Variants in SORCS2 observed in about 807,000 individuals in gnomAD.
SORCS2 encodes the protein sortilin related VPS10 domain containing receptor 2.
SORCS2 carries 100 observed loss-of-function variants against 141.6 expected under a neutral mutation model. The observed-to-expected ratio is 0.71, with a 90% CI of 0.60 to 0.83. The LOEUF (loss-of-function observed/expected upper bound fraction) is 0.83. Ranked by LOEUF, SORCS2 falls within the 40% of genes least tolerant of loss-of-function variation. The pLI is 0.00. For missense variants in SORCS2, 1,646 were observed against 1,560.2 expected (o/e 1.05, Z -0.93); for synonymous variants, 789 against 676.9 (o/e 1.17, Z -2.57).
chr4:7,572,860 A>C (rs1242195611), intron 3 of SORCS2, among the ~76,000 whole-genome samples: 1 of 152,324 alleles, frequency 6.6e-6, no homozygotes, highest in East Asian at 1.9e-4. Context: ...GAGGTTAAGA[A>C]ATTTTTATTT....
chr4:7,650,247 G>A (rs984294679), intron 4 of SORCS2, among the ~76,000 whole-genome samples: 12 of 152,226 alleles, frequency 7.9e-5, no homozygotes, highest in African/African-American at 2.9e-4. Flanking sequence ...ATTGTTAGAA[G>A]CATCTACTTC....
rs756889378 is a variant in SORCS2, at chr4:7,648,275, G to A, written c.814-5859G>A. ...AAGGAGCCAGCTTCTGCTGGGCCCT[G>A]CTAAGTTGGGGGTGGTGCAGGGAGG... On this transcript the variant is annotated intron_variant, in intron 4 of 26. Coordinates refer to ENST00000507866, the MANE Select transcript of SORCS2 (RefSeq NM_020777.3). This position sits in a 1 kb window ranked among gnomAD's most constrained non-coding sequence, Gnocchi z 4.2. Among the ~76,000 whole-genome samples, 11 of 152,148 alleles carry A rather than the reference G, an allele frequency of 7.2e-5. No homozygotes were observed. Among genetic ancestry groups the A allele is most frequent in the African/African-American group, 1.2e-4 (5 of 41,436 alleles).
intron 4 of SORCS2, among the ~76,000 whole-genome samples, chr4:7,638,835 C>G (rs1560446481): frequency 6.6e-6 from 1 of 152,204 alleles, no homozygotes; most frequent in Non-Finnish European, 1.5e-5. Context: ...GGGCCTTTCT[C>G]CACTTCCAGA....
At chr4:7,563,369 A>G (rs1427148949) in intron 3 of SORCS2, among the ~76,000 whole-genome samples, 3 of 152,172 alleles carry the variant, frequency 2.0e-5, no homozygotes, top group Non-Finnish European at 4.4e-5. Context: ...TTTCCTGGAA[A>G]TAAAACTGAG....
intron 7 of SORCS2, among the ~76,000 whole-genome samples, chr4:7,665,498 C>G (rs972742275): frequency 2.0e-5 from 3 of 152,210 alleles, no homozygotes; most frequent in African/African-American, 7.2e-5. Flanking sequence ...CTGATTCCTG[C>G]TCCTTCTCAA....
chr4:7,430,912 G>C (rs1726803415), intron 2 of SORCS2: 1 of 150,870 alleles, frequency 6.6e-6, no homozygotes, highest in Non-Finnish European at 1.5e-5. Flanking sequence ...GTCAGCACCA[G>C]TGGGCCCGTC....
Position 7,511,946 on chromosome 4 carries a change from T to C in SORCS2, c.549-19584T>C, listed in dbSNP as rs148378880. On this transcript the variant is annotated intron_variant, in intron 2 of 26. Transcript: ENST00000507866. ...CCACCCTTTCTCCCTTTGCAGGTCC[T>C]GGAGGGGCACGCGCTGCTGTGGGAG... 2.0e-3 allele frequency among the ~76,000 whole-genome samples: 303 copies of C among 152,306 alleles called. 3 individuals are homozygous for C. The highest frequency in any genetic ancestry group is 6.9e-3 in the African/African-American group (285 of 41,578).
chr4:7,703,983 C>T (rs1725248801), intron 13 of SORCS2, among the ~76,000 whole-genome samples, 194 bp from the exon 14 acceptor site: 2 of 152,206 alleles, frequency 1.3e-5, no homozygotes, highest in Admixed American at 6.5e-5. Context: ...CAGGGCAGTA[C>T]AATGCAGATA....
intron 2 of SORCS2, among the ~76,000 whole-genome samples, chr4:7,439,870 T>C (rs898972210): frequency 6.6e-6 from 1 of 152,134 alleles, no homozygotes; most frequent in Non-Finnish European, 1.5e-5. Flanking sequence ...CGTCAGATGG[T>C]GTGCAGAATG....
At position 7,562,548 on chromosome 4, in the gene SORCS2, G is replaced by T. The variant is rs1023583226; in HGVS notation, c.648+30919G>T. 2.0e-4 allele frequency among the ~76,000 whole-genome samples: 30 copies of T among 152,186 alleles called. 1 individual carries two copies. The highest frequency in any genetic ancestry group is 2.0e-4 in the Admixed American group (3 of 15,280). ...AGCTTTAGGGGCATACGCTGTCTCT[G>T]TTGCATGTTCTACTTGGTTTTGTTT... On this transcript the variant is annotated intron_variant, in intron 3 of 26. Transcript: ENST00000507866.
intron 1 of SORCS2, among the ~76,000 whole-genome samples, chr4:7,245,537 C>T (rs962405448): frequency 3.9e-5 from 6 of 152,200 alleles, no homozygotes; most frequent in African/African-American, 1.4e-4. Flanking sequence ...CGGATGATTC[C>T]TCAGGGTCTT....
intron 3 of SORCS2, among the ~76,000 whole-genome samples, chr4:7,628,440 A>C (rs1218119928): frequency 6.7e-6 from 1 of 150,072 alleles, no homozygotes; most frequent in Non-Finnish European, 1.5e-5. Context: ...AATGGCATGA[A>C]CCCGGGAGAT....
chr4:7,648,528 G>T lies in SORCS2; in HGVS notation c.814-5606G>T, dbSNP rs1429865635. On this transcript the variant is annotated intron_variant, in intron 4 of 26. Transcript: ENST00000507866. The surrounding 1 kb of genome is among the most constrained non-coding windows in gnomAD (Gnocchi z 4.2). ...CTAGGTTTCAGGAGCTGGGGCAACT[G>T]CTGGGAACAAAACAGACCAACCCCT... Among the ~76,000 whole-genome samples, 1 of 152,144 alleles carries T rather than the reference G, an allele frequency of 6.6e-6. No individual in the cohort carries two copies. Among genetic ancestry groups the T allele is most frequent in the Non-Finnish European group, 1.5e-5 (1 of 68,024 alleles).
At chr4:7,656,918 A>G (rs890932735) in intron 5 of SORCS2, among the ~76,000 whole-genome samples, 1 of 152,082 alleles carries the variant, frequency 6.6e-6, no homozygotes, top group African/African-American at 2.4e-5. Flanking sequence ...CCTCCCCAAA[A>G]CACTCACTCC....
chr4:7,225,670 C>T (rs1035899206), intron 1 of SORCS2, among the ~76,000 whole-genome samples: 3 of 152,036 alleles, frequency 2.0e-5, no homozygotes, highest in East Asian at 1.9e-4. Context: ...AGCTGGTGCA[C>T]GGGGGCTGCA....
At chr4:7,303,636 A>G (rs2336105) in intron 1 of SORCS2, among the ~76,000 whole-genome samples, 39,272 of 152,146 alleles carry the variant, frequency 0.26, 5,488 homozygotes, top group Admixed American at 0.39. Flanking sequence ...GAGCTGAGGT[A>G]TATGGTGCTG....
rs540703854 is a variant in SORCS2 at position 7,661,899 on chromosome 4, G to A, written c.952+335G>A. ...GGGTGGGGGCACGGGTGTGCACACC[G>A]GACCCAGCCAACTTCCTGCCCAGGG... is the stretch of plus-strand genomic sequence containing the variant. On this transcript the variant is annotated intron_variant, in intron 6 of 26. Coordinates refer to ENST00000507866, the MANE Select transcript of SORCS2 (RefSeq NM_020777.3). 2.4e-3 allele frequency among the ~76,000 whole-genome samples: 358 copies of A among 152,236 alleles called. 1 individual carries two copies. In the Middle Eastern group the frequency reaches 0.024, roughly 10 times the overall value.
chr4:7,723,610 A>G (rs1197283077), intron 18 of SORCS2, 87 bp from the exon 19 acceptor site: 1 of 1,369,908 alleles, frequency 7.3e-7, no homozygotes, highest in Non-Finnish European at 1.0e-6. Context: ...TGAATGAATG[A>G]GTGAGTGAGT....
At chr4:7,677,703 T>A (rs915066619) in intron 9 of SORCS2, among the ~76,000 whole-genome samples, 3 of 152,172 alleles carry the variant, frequency 2.0e-5, no homozygotes, top group African/African-American at 7.2e-5. Flanking sequence ...GCAGCAGAAC[T>A]GTGGTCCCCA....
Sources: allele counts gnomAD v4.1 joint callset (sites outside exome capture counted in the v4.1 genomes callset), GRCh38; gene constraint gnomAD v4.1.1; non-coding constraint Gnocchi (gnomAD v3.1); transcripts MANE v1.5; gene names NCBI Gene and HGNC (gene_info 2026-07-23, HGNC 2026-07-21).